The following RNF128 variants were observed in gnomAD, a reference collection of about 807,000 sequenced individuals.
The protein encoded by RNF128 is ring finger protein 128.
In RNF128, 13 loss-of-function variants were observed where a neutral mutation model predicts 26.2. The ratio of observed to expected loss-of-function variants is 0.50; its 90% CI spans 0.32 to 0.79. The LOEUF (loss-of-function observed/expected upper bound fraction) is 0.79. RNF128 is among the 30% of genes least tolerant of loss of function. The pLI is 0.03. For missense variants in RNF128, 315 were observed against 349.7 expected (o/e 0.90, Z 0.79); for synonymous variants, 149 against 142.5 (o/e 1.05, Z -0.32).
chrX:106,709,960 G>T (rs915485106), intron 1 of RNF128, among the ~76,000 whole-genome samples: 2 of 111,857 alleles, frequency 1.8e-5, no homozygotes, highest in Middle Eastern at 4.6e-3. Flanking sequence ...TTTAGGGAAA[G>T]AAAATATTAC....
At chrX:106,785,329 G>T (rs1369466328) in intron 3 of RNF128, among the ~76,000 whole-genome samples, 193 bp downstream of exon 3, 2 of 111,877 alleles carry the variant, frequency 1.8e-5, no homozygotes, top group African/African-American at 6.5e-5. Flanking sequence ...CCTTGAACCT[G>T]TGCATATTAC....
chrX:106,704,340 G>A (rs904761613), intron 1 of RNF128, among the ~76,000 whole-genome samples: 1 of 108,202 alleles, frequency 9.2e-6, no homozygotes, highest in Admixed American at 9.9e-5. Context: ...GGCTGAGGTA[G>A]GAGAATGGCG....
At chrX:106,774,005 A>G (rs1329550877) in intron 2 of RNF128, among the ~76,000 whole-genome samples, 1 of 111,210 alleles carries the variant, frequency 9.0e-6, no homozygotes, top group Non-Finnish European at 1.9e-5. Flanking sequence ...CACCTACTCT[A>G]TGTCTTCACC....
At chrX:106,742,723 C>T (rs890746360) in intron 1 of RNF128, among the ~76,000 whole-genome samples, 1 of 111,041 alleles carries the variant, frequency 9.0e-6, no homozygotes, top group Non-Finnish European at 1.9e-5. Context: ...CTGCTGTCAC[C>T]TTAACACAAA....
chrX:106,793,288 T>C (rs377362745), intron 6 of RNF128, among the ~76,000 whole-genome samples: 1 of 111,379 alleles, frequency 9.0e-6, no homozygotes, highest in East Asian at 2.8e-4. Flanking sequence ...GGAGAGATTT[T>C]AAACTTTGCT....
intron 1 of RNF128, among the ~76,000 whole-genome samples, chrX:106,769,546 G>GTTTTTTTTTTTTTT (rs752900867): frequency 4.6e-5 from 3 of 65,115 alleles, no homozygotes; most frequent in African/African-American, 1.2e-4. Flanking sequence ...CACCTGCTTT[G>GTTTTTTTTTTTTTT]TTTTTTTTTT....
intron 1 of RNF128, among the ~76,000 whole-genome samples, chrX:106,706,926 T>C (rs188761674): frequency 8.9e-6 from 1 of 111,945 alleles, no homozygotes; most frequent in Non-Finnish European, 1.9e-5. Flanking sequence ...TTCACCTGTC[T>C]GTGTCTCTTT....
intron 2 of RNF128, among the ~76,000 whole-genome samples, chrX:106,781,716 A>G (rs185650475): frequency 5.3e-4 from 59 of 112,105 alleles, no homozygotes; most frequent in Non-Finnish European, 1.7e-4. Flanking sequence ...AAATACTCAA[A>G]TTTTCTTTTA....
At chrX:106,696,887 C>A (rs1928881443) in intron 1 of RNF128, among the ~76,000 whole-genome samples, 1 of 111,993 alleles carries the variant, frequency 8.9e-6, no homozygotes, top group African/African-American at 3.2e-5. Context: ...ACAGGGCATC[C>A]TACTAAGAGG....
At chrX:106,736,601 T>A (rs1222358957) in intron 1 of RNF128, among the ~76,000 whole-genome samples, 1 of 111,438 alleles carries the variant, frequency 9.0e-6, no homozygotes, top group Non-Finnish European at 1.9e-5. Flanking sequence ...CTTACTCCCA[T>A]AAATTCTATA....
At chrX:106,759,957 GAAAAT>G (rs1930090836) in intron 1 of RNF128, among the ~76,000 whole-genome samples, 1 of 111,347 alleles carries the variant, frequency 9.0e-6, no homozygotes, top group Admixed American at 9.5e-5. Context: ...GTAACACAAA[GAAAAT>G]AAAAATGCTT....
chrX:106,750,119 G>A (rs1175719385), intron 1 of RNF128, among the ~76,000 whole-genome samples: 1 of 111,556 alleles, frequency 9.0e-6, no homozygotes, highest in East Asian at 2.8e-4. Context: ...ATGTCCAGTG[G>A]TGAGCTTGTT....
intron 2 of RNF128, among the ~76,000 whole-genome samples, chrX:106,780,654 G>T (rs949993259): frequency 8.9e-6 from 1 of 112,103 alleles, no homozygotes; most frequent in Non-Finnish European, 1.9e-5. Flanking sequence ...TTGGATAATT[G>T]CTGGCTTTAA....
At chrX:106,734,415 G>A (rs973806835) in intron 1 of RNF128, among the ~76,000 whole-genome samples, 2 of 111,301 alleles carry the variant, frequency 1.8e-5, no homozygotes, top group Admixed American at 9.6e-5. Context: ...CATAGGTAAT[G>A]CCTTTTTATT....
chrX:106,763,523 T>C (rs1487475176), intron 1 of RNF128, among the ~76,000 whole-genome samples: 1 of 112,952 alleles, frequency 8.9e-6, no homozygotes, highest in Non-Finnish European at 1.9e-5. Context: ...TTTGTTTTCG[T>C]TGAGACGGAG....
At chrX:106,749,447 C>G (rs751754851) in intron 1 of RNF128, among the ~76,000 whole-genome samples, 92 of 112,095 alleles carry the variant, frequency 8.2e-4, no homozygotes, top group South Asian at 1.5e-3. Flanking sequence ...ACACACAACA[C>G]CACACAAAAA....
intron 2 of RNF128, among the ~76,000 whole-genome samples, chrX:106,781,674 T>C (rs997943138): frequency 8.9e-6 from 1 of 111,799 alleles, no homozygotes; most frequent in African/African-American, 3.2e-5. Context: ...GAAAATAGCT[T>C]TTCTTTATAT....
intron 1 of RNF128, among the ~76,000 whole-genome samples, chrX:106,713,338 G>A (rs1019470450): frequency 7.4e-5 from 8 of 108,636 alleles, no homozygotes; most frequent in African/African-American, 2.5e-4. Context: ...GCGAAACCCC[G>A]TCTCTACTAA....
rs987158731 is a variant in RNF128 at position 106,726,883 on chromosome X, G to A, written c.-31G>A. The A allele has an allele frequency of 1.7e-6, 2 of 1,144,213 alleles. No individual in the cohort carries two copies. The highest frequency in any genetic ancestry group is 2.3e-6 in the Non-Finnish European group (2 of 865,454). The allele number at this position is 1,144,213 out of a possible 1,213,427, so 94.3% of individuals were successfully genotyped here. A position where few individuals can be genotyped will look rare whatever the true frequency, so the allele number is the denominator to read the frequency against. ...CAAGCGCTAGGAGGGCGCGTGCCAG[G>A]GGCGCTAGGGAACTGCGGAGCGCGC... On this transcript the variant is annotated 5_prime_UTR_variant, in exon 1 of 7. Coordinates refer to ENST00000255499, the MANE Select transcript of RNF128 (RefSeq NM_194463.2).
Sources: allele counts gnomAD v4.1 joint callset (sites outside exome capture counted in the v4.1 genomes callset), GRCh38; gene constraint gnomAD v4.1.1; transcripts MANE v1.5; gene names NCBI Gene and HGNC (gene_info 2026-07-23, HGNC 2026-07-21).